Variants in AFF3 observed in about 807,000 individuals in gnomAD.
AFF3 encodes the protein AF4/FMR2 family member 3.
Under a neutral mutation model 129.7 loss-of-function variants are expected in AFF3, and 32 were observed. That is an observed-to-expected ratio of 0.25 (90% CI 0.19 to 0.33). AFF3 has a LOEUF of 0.33. AFF3 is among the 10% of genes least tolerant of loss of function. The probability of loss-of-function intolerance (pLI) is 1.00; values close to 1 mark genes in which losing one functional copy is unlikely to be tolerated. For synonymous variants in AFF3, 644 were observed against 635.4 expected, an observed-to-expected ratio of 1.01 and a Z score of -0.20; for missense variants, 1,373 against 1,592.0, an observed-to-expected ratio of 0.86 and a Z score of 2.34.
chr2:99,875,580 G>T (rs1692228876), intron 7 of AFF3, among the ~76,000 whole-genome samples: 1 of 152,166 alleles, frequency 6.6e-6, no homozygotes, highest in South Asian at 2.1e-4. Context: ...CTGAATGAAT[G>T]AACAGATGTC....
chr2:99,621,404 G>C (rs1330382526), intron 13 of AFF3, among the ~76,000 whole-genome samples: 1 of 152,218 alleles, frequency 6.6e-6, no homozygotes, highest in African/African-American at 2.4e-5. Flanking sequence ...TGTGGGTAGA[G>C]ATTTCTTAAC....
chr2:99,568,750 T>C (rs1676210701), intron 19 of AFF3, 102 bp downstream of exon 19: 2 of 1,178,504 alleles, frequency 1.7e-6, no homozygotes, highest in Non-Finnish European at 2.5e-6. Context: ...CCGGCCATCC[T>C]TGTAATAGAT....
At chr2:99,554,271 G>A in intron 24 of AFF3, 40 bp downstream of exon 24, 1 of 1,607,160 alleles carries the variant, frequency 6.2e-7, no homozygotes, top group Non-Finnish European at 8.5e-7. Flanking sequence ...TTGAACCCGG[G>A]AGGCGGAAGC....
intron 13 of AFF3, among the ~76,000 whole-genome samples, chr2:99,632,076 C>T (rs1041098935): frequency 7.8e-4 from 97 of 125,158 alleles, no homozygotes; most frequent in Admixed American, 9.3e-4. Flanking sequence ...AGTGCAATGG[C>T]GTGATCTCAG....
chr2:100,016,523 GGTA>G (rs1683095809), intron 4 of AFF3, among the ~76,000 whole-genome samples: 1 of 151,196 alleles, frequency 6.6e-6, no homozygotes, highest in African/African-American at 2.4e-5. Flanking sequence ...TGGTGGTGGC[GGTA>G]GTGGTGGTGA....
At chr2:99,880,276 C>T (rs1440304989) in intron 7 of AFF3, among the ~76,000 whole-genome samples, 1 of 152,212 alleles carries the variant, frequency 6.6e-6, no homozygotes, top group African/African-American at 2.4e-5. Context: ...GCAAGACACG[C>T]ACTGCCTGGT....
intron 11 of AFF3, among the ~76,000 whole-genome samples, chr2:99,684,832 T>A (rs966583253): frequency 2.0e-5 from 3 of 152,048 alleles, no homozygotes; most frequent in Non-Finnish European, 4.4e-5. Flanking sequence ...TTTTCTCTGA[T>A]ACTTCCAGAA....
At chr2:99,828,065 T>C (rs1688228109) in intron 8 of AFF3, among the ~76,000 whole-genome samples, 1 of 152,114 alleles carries the variant, frequency 6.6e-6, no homozygotes, top group African/African-American at 2.4e-5. Context: ...AAATTGGTTC[T>C]TGGGGATGAG....
chr2:99,957,735 T>C (rs1676802309), intron 7 of AFF3, among the ~76,000 whole-genome samples: 1 of 152,136 alleles, frequency 6.6e-6, no homozygotes, highest in African/African-American at 2.4e-5. Flanking sequence ...TAAGTCTTTT[T>C]TAGAGGGGAG....
chr2:99,551,730 C>A, intron 24 of AFF3, 135 bp from the exon 25 acceptor site: 1 of 1,137,316 alleles, frequency 8.8e-7, no homozygotes, highest in South Asian at 1.5e-5. Context: ...GTAACTTTAG[C>A]ATTCCTTTGA....
intron 4 of AFF3, among the ~76,000 whole-genome samples, chr2:100,093,757 T>G (rs2105428754): frequency 6.6e-6 from 1 of 152,224 alleles, no homozygotes. Context: ...AGGCTCCAAG[T>G]CAAACTCTGT....
chr2:99,694,402 G>A (rs1359144122), intron 11 of AFF3, among the ~76,000 whole-genome samples: 1 of 152,102 alleles, frequency 6.6e-6, no homozygotes, highest in Non-Finnish European at 1.5e-5. Context: ...ACAGTGGCAG[G>A]CAGAGGAAGC....
intron 18 of AFF3, among the ~76,000 whole-genome samples, chr2:99,570,424 C>T (rs994555622): frequency 3.3e-5 from 5 of 152,158 alleles, no homozygotes; most frequent in Non-Finnish European, 7.3e-5. Context: ...GCAGCATCAA[C>T]CACCTGGGGT....
chr2:99,830,082 T>G (rs1440712996), intron 8 of AFF3, among the ~76,000 whole-genome samples: 1 of 151,872 alleles, frequency 6.6e-6, no homozygotes, highest in Non-Finnish European at 1.5e-5. Context: ...TGAGAACACA[T>G]GGACACAAGG....
At chr2:100,109,997 C>G (rs914744419) in intron 2 of AFF3, 2 of 152,248 alleles carry the variant, frequency 1.3e-5, no homozygotes, top group Non-Finnish European at 2.9e-5. Flanking sequence ...CCCTCTACCC[C>G]TCTCTGCAAT....
At chr2:99,997,485 C>G (rs75514850) in intron 7 of AFF3, among the ~76,000 whole-genome samples, 4 of 148,100 alleles carry the variant, frequency 2.7e-5, no homozygotes, top group Admixed American at 1.3e-4. Context: ...ACCCCCCCCC[C>G]AGATTAGCAC....
intron 7 of AFF3, among the ~76,000 whole-genome samples, chr2:99,935,123 G>C (rs755777857): frequency 2.0e-5 from 3 of 152,312 alleles, no homozygotes; most frequent in East Asian, 1.9e-4. Context: ...TTTCGCATTA[G>C]CACAGGGATG....
chr2:99,822,115 C>G (rs1229586190), intron 8 of AFF3, among the ~76,000 whole-genome samples: 2 of 152,208 alleles, frequency 1.3e-5, no homozygotes, highest in Admixed American at 6.5e-5. Flanking sequence ...CTCTTACTCG[C>G]TGTGTTAACC....
chr2:99,893,881 T>G (rs1693748953), intron 7 of AFF3, among the ~76,000 whole-genome samples: 2 of 152,222 alleles, frequency 1.3e-5, no homozygotes, highest in Admixed American at 6.5e-5. Flanking sequence ...TCAGACTACT[T>G]GAGTTTACAT....
Sources: allele counts gnomAD v4.1 joint callset (sites outside exome capture counted in the v4.1 genomes callset), GRCh38; gene constraint gnomAD v4.1.1; transcripts MANE v1.5; gene names NCBI Gene and HGNC (gene_info 2026-07-23, HGNC 2026-07-21).